The following HDAC9 variants were observed in gnomAD, a reference collection of about 807,000 sequenced individuals.
HDAC9 encodes the protein MEF-2 interacting transcription repressor (MITR) protein.
A neutral mutation model predicts 139.4 loss-of-function variants in HDAC9; 41 were observed. The observed-to-expected ratio is 0.29, with a 90% CI of 0.23 to 0.38. The LOEUF is 0.38. HDAC9 is among the 10% of genes least tolerant of loss of function. HDAC9 has a pLI of 1.00. For synonymous variants in HDAC9, 517 were observed against 476.2 expected (o/e 1.09, Z -1.12); for missense variants, 1,147 against 1,297.0 (o/e 0.88, Z 1.78).
At chr7:18,272,756 A>G (rs1562820567) in intron 2 of HDAC9, among the ~76,000 whole-genome samples, 1 of 152,202 alleles carries the variant, frequency 6.6e-6, no homozygotes, top group Non-Finnish European at 1.5e-5. Context: ...GTATGGGTTC[A>G]GTAAAATTCT....
At chr7:18,433,651 C>A (rs1045447840) in intron 1 of HDAC9, among the ~76,000 whole-genome samples, 1 of 152,072 alleles carries the variant, frequency 6.6e-6, no homozygotes, top group African/African-American at 2.4e-5. Context: ...AAATCAAGAT[C>A]TCAGTCCCAT....
chr7:18,502,967 T>A (rs759548639), intron 2 of HDAC9, among the ~76,000 whole-genome samples: 18 of 152,338 alleles, frequency 1.2e-4, no homozygotes, highest in Middle Eastern at 3.4e-3. Flanking sequence ...TTAAAAATAC[T>A]CAGAATGTGT....
intron 3 of HDAC9, among the ~76,000 whole-genome samples, chr7:18,588,727 G>C (rs1179537120): frequency 6.6e-6 from 1 of 152,072 alleles, no homozygotes; most frequent in Non-Finnish European, 1.5e-5. Flanking sequence ...GGGGAATCTG[G>C]GCGTGTGTGA....
At chr7:18,793,628 A>G (rs1481155916) in intron 17 of HDAC9, among the ~76,000 whole-genome samples, 176 bp downstream of exon 17, 1 of 152,180 alleles carries the variant, frequency 6.6e-6, no homozygotes, top group Non-Finnish European at 1.5e-5. Context: ...GGAGCAGCTC[A>G]TCCTGCTCTC....
chr7:18,481,270 CT>C (rs1172420064), intron 1 of HDAC9, among the ~76,000 whole-genome samples: 1 of 152,084 alleles, frequency 6.6e-6, no homozygotes, highest in Non-Finnish European at 1.5e-5. Context: ...GAACAGTTTG[CT>C]TATAATCCCA....
intron 1 of HDAC9, among the ~76,000 whole-genome samples, chr7:18,485,884 A>G (rs1410835742): frequency 6.6e-6 from 1 of 152,162 alleles, no homozygotes; most frequent in Non-Finnish European, 1.5e-5. Flanking sequence ...TATCCATACA[A>G]TAAGCCACAT....
chr7:18,578,113 G>A (rs1413631995), intron 2 of HDAC9: 1 of 518,722 alleles, frequency 1.9e-6, no homozygotes, highest in African/African-American at 1.9e-5. Flanking sequence ...TCCAGACCTA[G>A]CAGCTGCAGG....
chr7:18,545,082 C>A (rs1416708773), intron 2 of HDAC9, among the ~76,000 whole-genome samples: 1 of 152,112 alleles, frequency 6.6e-6, no homozygotes, highest in Admixed American at 6.6e-5. Flanking sequence ...TGGCTCCAAA[C>A]GTCAATGGTT....
At chr7:18,401,497 T>TA (rs1394553449) in intron 1 of HDAC9, among the ~76,000 whole-genome samples, 2 of 152,182 alleles carry the variant, frequency 1.3e-5, no homozygotes, top group African/African-American at 4.8e-5. Context: ...CTTTCAATCA[T>TA]AAAGTGGCAG....
At chr7:18,678,819 A>G (rs1781695543) in intron 12 of HDAC9, among the ~76,000 whole-genome samples, 1 of 151,898 alleles carries the variant, frequency 6.6e-6, no homozygotes, top group African/African-American at 2.4e-5. Context: ...ATTTCCATTC[A>G]ATGTTAGACA....
intron 12 of HDAC9, among the ~76,000 whole-genome samples, chr7:18,669,185 C>T (rs1467814840): frequency 6.6e-6 from 1 of 151,572 alleles, no homozygotes; most frequent in Non-Finnish European, 1.5e-5. Context: ...GATGTCAGTT[C>T]CTAACTTTGC....
In HDAC9 at chr7:18,590,522, C is replaced by T; in HGVS notation, c.415+36C>T. On this transcript the variant is annotated intron_variant, in intron 4 of 25. Transcript: ENST00000686413. ...CCAGGGTAAACGATGGACTCTCTTT[C>T]CTCATCGTTAGCTGATCATTATTCA... 4 of 1,561,908 alleles carry T rather than the reference C, an allele frequency of 2.6e-6. No individual in the cohort carries two copies. In the African/African-American group the frequency reaches 4.1e-5, roughly 16 times the overall value.
chr7:18,673,243 T>C (rs1316119758), intron 12 of HDAC9, among the ~76,000 whole-genome samples: 1 of 151,972 alleles, frequency 6.6e-6, no homozygotes, highest in African/African-American at 2.4e-5. Context: ...CATGCCACGG[T>C]GCTGTAGCCT....
chr7:18,187,827 T>C (rs2128146681), intron 2 of HDAC9, among the ~76,000 whole-genome samples: 1 of 152,216 alleles, frequency 6.6e-6, no homozygotes, highest in Non-Finnish European at 1.5e-5. Context: ...CTGTCAAGGG[T>C]ATAGGGCAAA....
At chr7:18,192,725 C>T (rs1020192752) in intron 2 of HDAC9, among the ~76,000 whole-genome samples, 3 of 152,052 alleles carry the variant, frequency 2.0e-5, no homozygotes, top group Non-Finnish European at 4.4e-5. Context: ...TAGTAGGTTG[C>T]AATTCAACAA....
At chr7:18,503,479 A>G (rs1040663198) in intron 2 of HDAC9, among the ~76,000 whole-genome samples, 1 of 152,228 alleles carries the variant, frequency 6.6e-6, no homozygotes, top group South Asian at 2.1e-4. Flanking sequence ...CTGAGTTGCT[A>G]TGATTCATGA....
intron 17 of HDAC9, among the ~76,000 whole-genome samples, chr7:18,797,320 G>A (rs1792886427): frequency 6.6e-6 from 1 of 151,954 alleles, no homozygotes; most frequent in South Asian, 2.1e-4. Context: ...TTTTAAGTAA[G>A]CAAAATTTTA....
chr7:18,537,140 A>G (rs189034789), intron 2 of HDAC9, among the ~76,000 whole-genome samples: 7 of 152,324 alleles, frequency 4.6e-5, no homozygotes, highest in South Asian at 2.1e-4. Flanking sequence ...TGAATAAAAA[A>G]TTGTCTCCAT....
At chr7:18,280,894 C>T (rs138140865) in intron 2 of HDAC9, among the ~76,000 whole-genome samples, 3 of 152,326 alleles carry the variant, frequency 2.0e-5, no homozygotes, top group African/African-American at 7.2e-5. Flanking sequence ...ATGAGCACAT[C>T]AACATTTGTA....
Sources: gnomAD v4.1 joint callset for allele counts (sites outside exome capture counted in the v4.1 genomes callset) on GRCh38, gnomAD v4.1.1 for gene constraint, MANE v1.5 for transcripts, NCBI Gene and HGNC (gene_info 2026-07-23, HGNC 2026-07-21) for gene names.